PTH1R: variants seen among roughly 807,000 people sequenced by gnomAD.
PTH1R encodes the protein parathyroid hormone/parathyroid hormone-related peptide receptor.
Under a neutral mutation model 70.7 loss-of-function variants are expected in PTH1R, and 32 were observed. That is an observed-to-expected ratio of 0.45 (90% CI 0.34 to 0.61). The LOEUF is 0.61. Among genes scored for constraint, PTH1R ranks in the 20% least tolerant of loss-of-function variants. PTH1R has a pLI of 0.01. For missense variants in PTH1R, 626 were observed against 792.5 expected (o/e 0.79, Z 2.52); for synonymous variants, 329 against 324.8 (o/e 1.01, Z -0.14).
Position 46,877,750 on chromosome 3 carries a change from A to G in PTH1R, c.-199A>G, listed in dbSNP as rs751782114. On this transcript the variant is annotated 5_prime_UTR_variant, in exon 1 of 16. Coordinates refer to ENST00000449590, the MANE Select transcript of PTH1R (RefSeq NM_000316.3). ...CTATCCTTGCTTAGGCCTGAGCCAC[A>G]GAAGCTGCTCAGGGACTATCCATGG... 6 of 152,268 alleles carry G rather than the reference A, an allele frequency of 3.9e-5. No individual in the cohort carries two copies. Among genetic ancestry groups the G allele is most frequent in the Non-Finnish European group, 5.9e-5 (4 of 68,058 alleles). The allele number at this position is 152,268 out of a possible 1,614,324, so 9.4% of individuals were successfully genotyped here.
In PTH1R at chr3:46,898,440, C is replaced by T; in HGVS notation, c.606C>T (p.Leu202=). ...GCTACTCCGTGTCCCTGGCGTCCCT[C>T]ACCGTAGCTGTGCTCATCCTGGCCT... ...TVGYSVSLAS[L]TVAVLILAYF... Residue 202 remains leucine, a synonymous_variant, in exon 8 of 16, where the codon CTC becomes CTT. Coordinates refer to ENST00000449590, the MANE Select transcript of PTH1R (RefSeq NM_000316.3). The T allele has an allele frequency of 1.9e-6, 3 of 1,614,088 alleles. No homozygotes were observed. The highest frequency in any genetic ancestry group is 1.1e-5 in the South Asian group (1 of 91,084).
In PTH1R at chr3:46,903,290, A is replaced by C. The variant is rs780793447; in HGVS notation, c.1416A>C (p.Lys472Asn). The C allele has an allele frequency of 6.2e-7, 1 of 1,612,988 alleles. No individual in the cohort carries two copies. Among genetic ancestry groups the C allele is most frequent in the Non-Finnish European group, 8.5e-7 (1 of 1,179,960 alleles). ...CNGEVQAEIK[K>N]SWSRWTLALD... ...CCAAGGTACAAGCTGAGATCAAGAA[A>C]TCTTGGAGCCGCTGGACACTGGCAC... Residue 472 changes from lysine to asparagine, a missense_variant, in exon 16 of 16, where the codon AAA becomes AAC. Physicochemically the swap from Lys to Asn is moderately conservative, Grantham distance 94. Coordinates refer to ENST00000449590, the MANE Select transcript of PTH1R (RefSeq NM_000316.3). This position sits in a 1 kb window ranked among gnomAD's most constrained non-coding sequence, Gnocchi z 4.4.
chr3:46,895,921 C>T lies in PTH1R; in HGVS notation c.313+52C>T, dbSNP rs1424252118. 3.1e-6 allele frequency: 5 copies of T among 1,587,494 alleles called. No homozygotes were observed. In the Middle Eastern group the frequency reaches 6.7e-4, roughly 213 times the overall value. ...CTGGCATGGGCTTGGATCCACCCAC[C>T]CCCATTGCACTGTCCCTCTGATGTG... is the stretch of plus-strand genomic sequence containing the variant. On this transcript the variant is annotated intron_variant, in intron 5 of 15. Coordinates refer to ENST00000449590, the MANE Select transcript of PTH1R (RefSeq NM_000316.3).
intron 10 of PTH1R, among the ~76,000 whole-genome samples, chr3:46,900,521 A>G (rs1313278700): frequency 1.3e-5 from 2 of 152,104 alleles, no homozygotes; most frequent in Non-Finnish European, 2.9e-5. Context: ...AGGCCAGGAC[A>G]TACTGACACA....
At position 46,899,432 on chromosome 3, in the gene PTH1R, T is replaced by C; in HGVS notation, c.964T>C (p.Trp322Arg). ...MAFFSEKKYL[W>R]GFTVFGWGLP... ...CTTCTTCTCAGAGAAGAAGTACCTG[T>C]GGGGCTTCACAGTCTTCGGCTGGGG... The change falls in exon 10 of 16, where the codon TGG (tryptophan) becomes CGG (arginine). Residue 322 changes from tryptophan to arginine, a missense_variant. Physicochemically the swap from Trp to Arg is moderately radical, Grantham distance 101. This residue lies in a region of PTH1R where 495 missense variants were observed against 638.7 expected (regional missense o/e 0.77). Transcript: ENST00000449590. 1 of 1,612,988 alleles carries C rather than the reference T, an allele frequency of 6.2e-7. No individual in the cohort carries two copies. Among genetic ancestry groups the C allele is most frequent in the Admixed American group, 1.7e-5 (1 of 60,024 alleles).
chr3:46,880,011 C>A (rs1255945573), intron 1 of PTH1R, among the ~76,000 whole-genome samples: 2 of 152,192 alleles, frequency 1.3e-5, no homozygotes, highest in African/African-American at 4.8e-5. Flanking sequence ...TGCACTCCAG[C>A]CTGGCCAACA....
chr3:46,892,654 G>T lies in PTH1R; in HGVS notation c.76-1253G>T. 1 of 828,678 alleles carries T rather than the reference G, an allele frequency of 1.2e-6. No individual in the cohort carries two copies. The highest frequency in any genetic ancestry group is 1.5e-6 in the Non-Finnish European group (1 of 685,956). 51.3% of individuals were successfully genotyped at this position (828,678 alleles called of 1,614,324 possible). The stretch of plus-strand genomic sequence containing the variant: ...CTGACCCGGCCTGCCCGCCCCTCTC[G>T]CCGGTGCCCGCCCCATGCCCGACCC... On this transcript the variant is annotated intron_variant, in intron 3 of 15. Coordinates refer to ENST00000449590, the MANE Select transcript of PTH1R (RefSeq NM_000316.3). The surrounding 1 kb of genome is among the most constrained non-coding windows in gnomAD (Gnocchi z 5.2).
chr3:46,898,881 C>T, intron 9 of PTH1R, 24 bp downstream of exon 9: 2 of 1,477,810 alleles, frequency 1.4e-6, no homozygotes, highest in Non-Finnish European at 1.8e-6. Context: ...TGCCCGCCCG[C>T]TCCCGGTGCC....
rs114316645 is a variant in PTH1R at position 46,884,349 on chromosome 3, G to A, written c.75+715G>A. ...TAGGGAAGGCTAGAGGGAGAGGAGA[G>A]ACAGAGACAAAGCCGGGTGGGGAGG... On this transcript the variant is annotated intron_variant, in intron 3 of 15. Coordinates refer to ENST00000449590, the MANE Select transcript of PTH1R (RefSeq NM_000316.3). The surrounding 1 kb of genome is among the most constrained non-coding windows in gnomAD (Gnocchi z 4.8). 6.2e-3 allele frequency among the ~76,000 whole-genome samples: 942 copies of A among 152,254 alleles called. 11 individuals are homozygous for A. Among genetic ancestry groups the A allele is most frequent in the African/African-American group, 0.021 (881 of 41,540 alleles).
At position 46,898,776 on chromosome 3, in the gene PTH1R, T is replaced by C. The variant is rs2031926735; in HGVS notation, c.753T>C (p.Asp251=). 1 of 1,604,156 alleles carries C rather than the reference T, an allele frequency of 6.2e-7. No homozygotes were observed. The highest frequency in any genetic ancestry group is 8.5e-7 in the Non-Finnish European group (1 of 1,178,542). Residue 251 remains aspartate (D), a synonymous_variant, in exon 9 of 16, where the codon GAT becomes GAC. Coordinates refer to ENST00000449590, the MANE Select transcript of PTH1R (RefSeq NM_000316.3). ...TGCTCTACTCTGGCGCCACGCTTGA[T>C]GAGGCTGAGCGCCTCACCGAGGAGG... ...DAVLYSGATL[D]EAERLTEEEL...
At chr3:46,897,321 G>A (rs1433562164) in intron 5 of PTH1R, among the ~76,000 whole-genome samples, 1 of 152,204 alleles carries the variant, frequency 6.6e-6, no homozygotes, top group Non-Finnish European at 1.5e-5. Context: ...TACCTGTATC[G>A]CAGAGGCCAT....
rs1016496611 is a variant in PTH1R, at chr3:46,902,217, T to C, written c.1212-309T>C. Among the ~76,000 whole-genome samples, 1 of 152,144 alleles carries C rather than the reference T, an allele frequency of 6.6e-6. No individual in the cohort carries two copies. Among genetic ancestry groups the C allele is most frequent in the African/African-American group, 2.4e-5 (1 of 41,434 alleles). On this transcript the variant is annotated intron_variant, in intron 13 of 15. Transcript: ENST00000449590. This position sits in a 1 kb window ranked among gnomAD's most constrained non-coding sequence, Gnocchi z 5.4. ...CTCAGCTGAAACCTGAGGAGCGGAC[T>C]GTGGGATAGTGAGGTTCGACCGTGG...
intron 9 of PTH1R, 62 bp downstream of exon 9, chr3:46,898,919 G>A: frequency 1.7e-6 from 2 of 1,195,104 alleles, no homozygotes; most frequent in Non-Finnish European, 2.2e-6. Context: ...GCCCCGCCCC[G>A]CCCCGCTCCA....
chr3:46,898,624 C>T (rs1479659548), intron 8 of PTH1R, 38 bp from the exon 9 acceptor site: 1 of 1,609,032 alleles, frequency 6.2e-7, no homozygotes, highest in Non-Finnish European at 8.5e-7. Flanking sequence ...CCGCGCGTCC[C>T]CGTGCCCCCA....
chr3:46,898,968 T>G (rs914298929), intron 9 of PTH1R, 111 bp downstream of exon 9: 5 of 814,506 alleles, frequency 6.1e-6, no homozygotes, highest in Non-Finnish European at 9.0e-6. Context: ...CCAGCGCCAC[T>G]GGCTTCAGCC....
intron 3 of PTH1R, among the ~76,000 whole-genome samples, chr3:46,889,361 G>A (rs533803743): frequency 6.6e-6 from 1 of 152,334 alleles, no homozygotes; most frequent in Admixed American, 6.5e-5. Context: ...TGCAAAGGGA[G>A]ACTTGCTTAA....
chr3:46,898,892 G>A (rs1361649358), intron 9 of PTH1R, 35 bp downstream of exon 9: 5 of 1,434,508 alleles, frequency 3.5e-6, no homozygotes, highest in Non-Finnish European at 4.6e-6. Flanking sequence ...TCCCGGTGCC[G>A]CCACTGGCCT....
At chr3:46,899,711 A>G (rs1432184497) in intron 10 of PTH1R, among the ~76,000 whole-genome samples, 1 of 152,166 alleles carries the variant, frequency 6.6e-6, no homozygotes, top group Non-Finnish European at 1.5e-5. Flanking sequence ...GGAAAGGAGG[A>G]ACCATCAGGC....
In PTH1R at chr3:46,892,822, A is replaced by G; in HGVS notation, c.76-1085A>G. Reference sequence around the variant, plus strand: ...GGAGACGTAGCCTTCTGGGGTAGGGATGGAGGGGGTCGTCTCAGGGGACAT... The same window carrying G: ...GGAGACGTAGCCTTCTGGGGTAGGGGTGGAGGGGGTCGTCTCAGGGGACAT... On this transcript the variant is annotated intron_variant, in intron 3 of 15. Transcript: ENST00000449590. This position sits in a 1 kb window ranked among gnomAD's most constrained non-coding sequence, Gnocchi z 5.2. 1 of 985,062 alleles carries G rather than the reference A, an allele frequency of 1.0e-6. No individual in the cohort carries two copies. Among genetic ancestry groups the G allele is most frequent in the South Asian group, 4.7e-5 (1 of 21,276 alleles). The allele number at this position is 985,062 out of a possible 1,614,324, so 61.0% of individuals were successfully genotyped here.
Sources: allele counts gnomAD v4.1 joint callset (sites outside exome capture counted in the v4.1 genomes callset), GRCh38; gene constraint gnomAD v4.1.1; regional missense constraint gnomAD v4.1.1; non-coding constraint Gnocchi (gnomAD v3.1); transcripts MANE v1.5; gene names NCBI Gene and HGNC (gene_info 2026-07-23, HGNC 2026-07-21).